SMURF2: variants seen among roughly 807,000 people sequenced by gnomAD.
SMURF2 encodes E3 ubiquitin-protein ligase SMURF2.
SMURF2 carries 48 observed loss-of-function variants against 109.6 expected under a neutral mutation model. The ratio of observed to expected loss-of-function variants is 0.44; its 90% CI spans 0.35 to 0.56. The LOEUF (loss-of-function observed/expected upper bound fraction) is 0.56. Among genes scored for constraint, SMURF2 ranks in the 20% least tolerant of loss-of-function variants. The pLI is 0.01. For missense variants in SMURF2, 575 were observed against 909.0 expected, an observed-to-expected ratio of 0.63 and a Z score of 4.72; for synonymous variants, 288 against 317.1, an observed-to-expected ratio of 0.91 and a Z score of 0.97.
In SMURF2 at chr17:64,580,801, G is replaced by A. The variant is rs537209464; in HGVS notation, c.760C>T (p.Pro254Ser). The stretch of plus-strand genomic sequence containing the variant: ...GTAGTTGTCATACCATAGCCTTCTG[G>A]TAGGTCTGGAGGAGTATGTAAATGT... ...RTHLHTPPDLPEGYEQRTTQQ... is the reference protein window; with the variant it reads ...RTHLHTPPDLSEGYEQRTTQQ... Residue 254 changes from proline to serine, a missense_variant, in exon 8 of 19, where the codon CCA becomes TCA. Pro to Ser is a moderately conservative substitution (Grantham distance 74). Around this residue, in one of 5 missense-constraint regions of SMURF2, gnomAD observed 361 missense variants for 612.1 expected, o/e 0.59. Transcript: ENST00000262435. The A allele has an allele frequency of 1.2e-6, 2 of 1,614,010 alleles. No homozygotes were observed. The highest frequency in any genetic ancestry group is 4.5e-5 in the East Asian group (2 of 44,890).
In SMURF2 at chr17:64,584,817, T is replaced by C. The variant is rs1969630874; in HGVS notation, c.485+1269A>G. Reference sequence around the variant, plus strand: ...TAAAGAGATGCTAGGGTATTTTCCCTCCTGTGATTACAATTATAGTACAAT... The same window carrying C: ...TAAAGAGATGCTAGGGTATTTTCCCCCCTGTGATTACAATTATAGTACAAT... On this transcript the variant is annotated intron_variant, in intron 6 of 18. Coordinates refer to ENST00000262435, the MANE Select transcript of SMURF2 (RefSeq NM_022739.4). 1.3e-5 allele frequency among the ~76,000 whole-genome samples: 2 copies of C among 152,182 alleles called. 1 individual carries two copies. Among genetic ancestry groups the C allele is most frequent in the Admixed American group, 1.3e-4 (2 of 15,282 alleles).
At position 64,545,954 on chromosome 17, in the gene SMURF2, A is replaced by G. The variant is rs782320943; in HGVS notation, c.2148-7T>C. The G allele has an allele frequency of 6.2e-5, 97 of 1,570,418 alleles. No homozygotes were observed. Among genetic ancestry groups the G allele is most frequent in the Non-Finnish European group, 8.2e-5 (94 of 1,140,300 alleles). ...AATGTCTATTCGATTGAAGCTGTGA[A>G]TAAGCAAATCAAATTTTATACAGTT... On this transcript the variant is annotated splice_polypyrimidine_tract_variant and splice_region_variant and intron_variant, in intron 18 of 18. Coordinates refer to ENST00000262435, the MANE Select transcript of SMURF2 (RefSeq NM_022739.4).
In SMURF2 at chr17:64,543,286, T is replaced by TG; in HGVS notation, c.*2561dup. The TG allele has an allele frequency of 6.9e-6, 1 of 144,832 alleles. No homozygotes were observed. 9.0% of individuals were successfully genotyped at this position (144,832 alleles called of 1,614,324 possible). ...GAGTAATTTCTTTTTTTTTTTTTTT[T>TG]GGGCGGGGACGGAGTCTCACTCTTG... is the stretch of plus-strand genomic sequence containing the variant. On this transcript the variant is annotated 3_prime_UTR_variant, in exon 19 of 19. Transcript: ENST00000262435.
At chr17:64,608,043 A>AAATC (rs782109804) in intron 1 of SMURF2, among the ~76,000 whole-genome samples, 94 of 148,926 alleles carry the variant, frequency 6.3e-4, no homozygotes, top group South Asian at 1.9e-3. Flanking sequence ...ATAAATAAAT[A>AAATC]AATCTGCTTA....
At chr17:64,661,739 C>G in intron 1 of SMURF2, 90 bp downstream of exon 1, 1 of 971,606 alleles carries the variant, frequency 1.0e-6, no homozygotes, top group Non-Finnish European at 1.3e-6. Context: ...CATCATTGAT[C>G]GCGACCCTGG....
intron 1 of SMURF2, among the ~76,000 whole-genome samples, chr17:64,652,692 G>T (rs1970656082): frequency 6.6e-6 from 1 of 152,050 alleles, no homozygotes; most frequent in Non-Finnish European, 1.5e-5. Context: ...TGCCATGTTG[G>T]CCAGGCTGGT....
chr17:64,616,980 C>T (rs1486442641), intron 1 of SMURF2, among the ~76,000 whole-genome samples: 2 of 143,320 alleles, frequency 1.4e-5, no homozygotes, highest in African/African-American at 5.3e-5. Flanking sequence ...ACTCAGGAGG[C>T]TAAGGTGGAA....
At chr17:64,597,547 C>T (rs149902632) in intron 3 of SMURF2, among the ~76,000 whole-genome samples, 7,610 of 152,006 alleles carry the variant, frequency 0.05, 319 homozygotes, top group African/African-American at 0.11. Flanking sequence ...CCGAGGCAGG[C>T]GGATCACTTG....
In SMURF2 at chr17:64,581,090, T is replaced by C. The variant is rs1291210498; in HGVS notation, c.570-99A>G. ...ATACTGCAGTAACAACCACTTATCA[T>C]GTCTGAAAACAGAATGACTAATACA... On this transcript the variant is annotated intron_variant, in intron 7 of 18. Coordinates refer to ENST00000262435, the MANE Select transcript of SMURF2 (RefSeq NM_022739.4). The surrounding 1 kb of genome is among the most constrained non-coding windows in gnomAD (Gnocchi z 4.3). 3 of 1,064,842 alleles carry C rather than the reference T, an allele frequency of 2.8e-6. No homozygotes were observed. The highest frequency in any genetic ancestry group is 4.2e-6 in the Non-Finnish European group (3 of 721,600). 66.0% of individuals were successfully genotyped at this position (1,064,842 alleles called of 1,614,324 possible).
At position 64,636,119 on chromosome 17, in the gene SMURF2, T is replaced by C. The variant is rs578262311; in HGVS notation, c.52+25710A>G. Reference sequence around the variant, plus strand: ...TTTTTGGCCACTGATATATCTTCTCTGGAGAACTGTCTATTCAAACCCTTT... The same window carrying C: ...TTTTTGGCCACTGATATATCTTCTCCGGAGAACTGTCTATTCAAACCCTTT... On this transcript the variant is annotated intron_variant, in intron 1 of 18. Coordinates refer to ENST00000262435, the MANE Select transcript of SMURF2 (RefSeq NM_022739.4). Among the ~76,000 whole-genome samples the C allele has an allele frequency of 3.5e-4, 54 of 152,310 alleles. 1 individual carries two copies. The highest frequency in any genetic ancestry group is 1.3e-3 in the African/African-American group (53 of 41,580).
intron 1 of SMURF2, among the ~76,000 whole-genome samples, chr17:64,624,654 T>C (rs1309203116): frequency 6.6e-6 from 1 of 151,368 alleles, no homozygotes; most frequent in Non-Finnish European, 1.5e-5. Flanking sequence ...AGACCTCATC[T>C]CTACAAAAAA....
intron 9 of SMURF2, among the ~76,000 whole-genome samples, chr17:64,572,434 A>G (rs1969410510): frequency 6.6e-6 from 1 of 152,254 alleles, no homozygotes; most frequent in Non-Finnish European, 1.5e-5. Flanking sequence ...TACTGAAATT[A>G]TGATCCTGAA....
chr17:64,590,951 A>C lies in SMURF2; in HGVS notation c.400+133T>G, dbSNP rs1194403299. 4.6e-5 allele frequency: 24 copies of C among 526,644 alleles called. No individual in the cohort carries two copies. The Admixed American group carries it at 8.5e-4, about 19-fold the overall frequency. 32.6% of individuals were successfully genotyped at this position (526,644 alleles called of 1,614,324 possible). A position where few individuals can be genotyped will look rare whatever the true frequency, so the allele number is the denominator to read the frequency against. On this transcript the variant is annotated intron_variant, in intron 5 of 18. Transcript: ENST00000262435. ...TTAACCTGGATCCTGGATTCACTGTAACATTTTACCTGGCTCATTTAATTC... is the reference window on the plus strand; with the variant it reads ...TTAACCTGGATCCTGGATTCACTGTCACATTTTACCTGGCTCATTTAATTC...
chr17:64,650,629 G>C (rs145185410), intron 1 of SMURF2, among the ~76,000 whole-genome samples: 4 of 148,214 alleles, frequency 2.7e-5, no homozygotes, highest in African/African-American at 9.9e-5. Flanking sequence ...TCAGGAGTTC[G>C]TGACCAGCCT....
At chr17:64,555,301 T>C (rs1482366882) in intron 14 of SMURF2, among the ~76,000 whole-genome samples, 3 of 152,238 alleles carry the variant, frequency 2.0e-5, no homozygotes, top group African/African-American at 7.2e-5. Context: ...TACTCGGTAC[T>C]GTACTCCAAG....
chr17:64,659,562 T>G (rs1000163009), intron 1 of SMURF2, among the ~76,000 whole-genome samples: 2 of 150,910 alleles, frequency 1.3e-5, no homozygotes, highest in Non-Finnish European at 2.9e-5. Flanking sequence ...CTAGGTTAAA[T>G]ATTTTATTTG....
At chr17:64,592,098 ACTC>A (rs1969758178) in intron 4 of SMURF2, among the ~76,000 whole-genome samples, 1 of 151,898 alleles carries the variant, frequency 6.6e-6, no homozygotes, top group Non-Finnish European at 1.5e-5. Context: ...AGAGCAACTA[ACTC>A]CTCCTCTCCT....
intron 10 of SMURF2, among the ~76,000 whole-genome samples, chr17:64,567,914 C>T (rs1026271960): frequency 3.6e-5 from 5 of 139,878 alleles, no homozygotes; most frequent in African/African-American, 1.1e-4. Flanking sequence ...AGTGCAGTGG[C>T]GCTGTCTCGG....
intron 1 of SMURF2, among the ~76,000 whole-genome samples, chr17:64,615,207 T>C (rs1970104993): frequency 6.6e-6 from 1 of 151,790 alleles, no homozygotes; most frequent in South Asian, 2.1e-4. Flanking sequence ...TTCCCCTTCC[T>C]CCTCCAGATT....
Sources: gnomAD v4.1 joint callset for allele counts (sites outside exome capture counted in the v4.1 genomes callset) on GRCh38, gnomAD v4.1.1 for gene constraint, gnomAD v4.1.1 regional missense constraint, Gnocchi (gnomAD v3.1) non-coding constraint, MANE v1.5 for transcripts, NCBI Gene and HGNC (gene_info 2026-07-23, HGNC 2026-07-21) for gene names.